MARK4: variants seen among roughly 807,000 people sequenced by gnomAD.
MARK4 encodes the protein MAP/microtubule affinity-regulating kinase 4.
In MARK4, 19 loss-of-function variants were observed where a neutral mutation model predicts 81.5. The ratio of observed to expected loss-of-function variants is 0.23; its 90% CI spans 0.16 to 0.34. MARK4 has a LOEUF of 0.34. MARK4 is among the 10% of genes least tolerant of loss of function. The pLI, the probability that MARK4 is intolerant of heterozygous loss-of-function variation, is 1.00. For missense variants in MARK4, 772 were observed against 1,058.8 expected (o/e 0.73, Z 3.76); for synonymous variants, 436 against 439.0 (o/e 0.99, Z 0.08).
At chr19:45,299,607 C>A (rs540771020) in intron 15 of MARK4, among the ~76,000 whole-genome samples, 5 of 152,234 alleles carry the variant, frequency 3.3e-5, no homozygotes, top group African/African-American at 1.2e-4. Flanking sequence ...TCTTCAGTAT[C>A]TTTCCTGTGA....
intron 8 of MARK4, among the ~76,000 whole-genome samples, chr19:45,274,319 A>G (rs1970571580): frequency 6.6e-6 from 1 of 151,872 alleles, no homozygotes; most frequent in Non-Finnish European, 1.5e-5. Flanking sequence ...GAGATCAGGG[A>G]TGCAAAGTGC....
rs372319426 is a variant in MARK4 at position 45,264,718 on chromosome 19, G to A, written c.390G>A (p.Thr130=). 7.2e-5 allele frequency: 116 copies of A among 1,613,958 alleles called. No individual in the cohort carries two copies. The highest frequency in any genetic ancestry group is 9.2e-5 in the Non-Finnish European group (109 of 1,180,020). Residue 130 remains threonine, a synonymous_variant, in exon 5 of 17, where the codon ACG becomes ACA. Coordinates refer to ENST00000262891, the MANE Select transcript of MARK4 (RefSeq NM_001199867.2). ...KLFEVIETEK[T]LYLVMEYASA... is the part of the protein sequence containing the mutation. ...TTGAGGTGATTGAGACTGAGAAGAC[G>A]CTGTACCTGGTGATGGAGTACGCAA...
chr19:45,268,309 G>A (rs1354052736), intron 7 of MARK4, among the ~76,000 whole-genome samples: 1 of 151,952 alleles, frequency 6.6e-6, no homozygotes, highest in Non-Finnish European at 1.5e-5. Context: ...TAGCTTGGCT[G>A]GACGCGGTGG....
intron 13 of MARK4, 114 bp downstream of exon 13, chr19:45,287,778 T>G: frequency 8.5e-7 from 1 of 1,175,518 alleles, no homozygotes; most frequent in Non-Finnish European, 1.2e-6. Flanking sequence ...CTCCTTCTTC[T>G]ACCCATTCAT....
At chr19:45,255,915 C>T (rs1970302217) in intron 1 of MARK4, among the ~76,000 whole-genome samples, 1 of 152,248 alleles carries the variant, frequency 6.6e-6, no homozygotes, top group African/African-American at 2.4e-5. Flanking sequence ...CTGGGGCTTC[C>T]AATCAGGCCA....
Position 45,261,056 on chromosome 19 carries a change from C to A in MARK4, c.252+1867C>A, listed in dbSNP as rs370791950. Among the ~76,000 whole-genome samples, 16 of 152,086 alleles carry A rather than the reference C, an allele frequency of 1.1e-4. No individual in the cohort carries two copies. The South Asian group carries it at 3.1e-3, about 30-fold the overall frequency. ...CAGAGAAATGATTGGAATGAATTAT[C>A]CTGCCTTGGATGGACTCTCCCCTGC... is the stretch of plus-strand genomic sequence containing the variant. On this transcript the variant is annotated intron_variant, in intron 2 of 16. Coordinates refer to ENST00000262891, the MANE Select transcript of MARK4 (RefSeq NM_001199867.2).
chr19:45,257,671 C>G (rs983201491), intron 1 of MARK4, among the ~76,000 whole-genome samples: 7 of 149,064 alleles, frequency 4.7e-5, no homozygotes, highest in Non-Finnish European at 7.4e-5. Flanking sequence ...GCGTGAGCCA[C>G]CTCGCCTGGC....
intron 7 of MARK4, among the ~76,000 whole-genome samples, chr19:45,266,580 T>C (rs1353250204): frequency 6.6e-6 from 1 of 151,944 alleles, no homozygotes; most frequent in African/African-American, 2.4e-5. Flanking sequence ...ATAAGGACGC[T>C]GGGACATGAT....
At chr19:45,292,698 C>A (rs1970835037) in intron 13 of MARK4, among the ~76,000 whole-genome samples, 1 of 150,944 alleles carries the variant, frequency 6.6e-6, no homozygotes, top group Non-Finnish European at 1.5e-5. Flanking sequence ...ACAACATAGA[C>A]CCTGTCTCTG....
At chr19:45,259,923 T>C (rs6509204) in intron 2 of MARK4, among the ~76,000 whole-genome samples, 71,608 of 149,860 alleles carry the variant, frequency 0.48, 18,290 homozygotes, top group Non-Finnish European at 0.58. Context: ...CCTGTCTCTA[T>C]TAAAAATACA....
At chr19:45,273,342 G>A (rs981345578) in intron 8 of MARK4, among the ~76,000 whole-genome samples, 16 of 152,140 alleles carry the variant, frequency 1.1e-4, no homozygotes, top group African/African-American at 3.1e-4. Context: ...AGTTGCAGAC[G>A]CTGTGTCCTT....
chr19:45,251,739 C>T, intron 1 of MARK4, 100 bp downstream of exon 1: 2 of 1,159,690 alleles, frequency 1.7e-6, no homozygotes, highest in Non-Finnish European at 2.4e-6. Context: ...ACCCTCGTTT[C>T]CTGGGCCCGA....
At position 45,294,390 on chromosome 19, in the gene MARK4, C is replaced by T. The variant is rs200924376; in HGVS notation, c.1536C>T (p.Tyr512=). 49 of 1,614,124 alleles carry T rather than the reference C, an allele frequency of 3.0e-5. No homozygotes were observed. Among genetic ancestry groups the T allele is most frequent in the South Asian group, 9.9e-5 (9 of 91,086 alleles). The change falls in exon 14 of 17, where the codon TAC becomes TAT. Residue 512 remains tyrosine (Y), a synonymous_variant. Transcript: ENST00000262891. The part of the protein sequence containing the change: ...PPSMMTRRNT[Y]VCTERPGAER... ...GCATGATGACCCGCAGAAACACCTACGTTTGCACAGAACGCCCGGGGGCTG... is the reference window on the plus strand; with the variant it reads ...GCATGATGACCCGCAGAAACACCTATGTTTGCACAGAACGCCCGGGGGCTG...
At chr19:45,251,775 C>T in intron 1 of MARK4, 136 bp downstream of exon 1, 1 of 768,138 alleles carries the variant, frequency 1.3e-6, no homozygotes, top group Non-Finnish European at 2.0e-6. Flanking sequence ...CTCGACCCCT[C>T]CCGGACTTCC....
intron 12 of MARK4, among the ~76,000 whole-genome samples, chr19:45,285,570 T>C (rs1171562724): frequency 1.3e-5 from 2 of 151,782 alleles, no homozygotes; most frequent in African/African-American, 4.9e-5. Flanking sequence ...TCCCTGCCCC[T>C]GCGTCTTGTC....
At chr19:45,278,647 A>G (rs895125652) in intron 10 of MARK4, 32 bp downstream of exon 10, 2 of 1,531,746 alleles carry the variant, frequency 1.3e-6, no homozygotes, top group African/African-American at 1.4e-5. Flanking sequence ...CCTGTCACCC[A>G]GGATGGAGTG....
intron 13 of MARK4, among the ~76,000 whole-genome samples, chr19:45,290,322 G>C (rs1371284154): frequency 2.0e-5 from 3 of 152,238 alleles, no homozygotes; most frequent in African/African-American, 4.8e-5. Context: ...ACCCAGCCGT[G>C]GTGGCTGGTG....
chr19:45,274,968 AAG>A (rs1970579815), intron 8 of MARK4, among the ~76,000 whole-genome samples: 1 of 152,132 alleles, frequency 6.6e-6, no homozygotes, highest in Non-Finnish European at 1.5e-5. Flanking sequence ...TGAAGACACT[AAG>A]AGTATTCAGG....
chr19:45,277,442 T>C (rs1474472522), intron 8 of MARK4, among the ~76,000 whole-genome samples: 1 of 151,182 alleles, frequency 6.6e-6, no homozygotes, highest in Non-Finnish European at 1.5e-5. Flanking sequence ...AATTTTTTTT[T>C]TTTTTTTTTT....
Sources: allele counts gnomAD v4.1 joint callset (sites outside exome capture counted in the v4.1 genomes callset), GRCh38; gene constraint gnomAD v4.1.1; transcripts MANE v1.5; gene names NCBI Gene and HGNC (gene_info 2026-07-23, HGNC 2026-07-21).